CORO1C: variants seen among roughly 807,000 people sequenced by gnomAD.
The protein encoded by CORO1C is coronin 1C.
In CORO1C, 14 loss-of-function variants were observed where a neutral mutation model predicts 51.2. The observed-to-expected ratio is 0.27, with a 90% CI of 0.18 to 0.43. The LOEUF (loss-of-function observed/expected upper bound fraction) is 0.43, where lower values mean the gene tolerates loss of function less well. CORO1C is among the 20% of genes least tolerant of loss of function. CORO1C has a pLI of 1.00. For synonymous variants in CORO1C, 181 were observed against 210.5 expected (o/e 0.86, Z 1.21); for missense variants, 417 against 607.8 (o/e 0.69, Z 3.30).
chr12:108,730,990 C>G lies in CORO1C; in HGVS notation c.-6+439G>C, dbSNP rs572470318. ...GGCGGCCCAAACCCAGTCCCCAGGCCTGGAGCCCCCGGGCTCTACGCCTCG... is the reference window on the plus strand; with the variant it reads ...GGCGGCCCAAACCCAGTCCCCAGGCGTGGAGCCCCCGGGCTCTACGCCTCG... On this transcript the variant is annotated intron_variant, in intron 1 of 10. Transcript: ENST00000261401. 488 of 153,110 alleles carry G rather than the reference C, an allele frequency of 3.2e-3. 2 individuals are homozygous for G. Among genetic ancestry groups the G allele is most frequent in the Non-Finnish European group, 5.6e-3 (386 of 68,636 alleles). 9.5% of individuals were successfully genotyped at this position (153,110 alleles called of 1,614,324 possible).
At chr12:108,727,402 A>C (rs1457370322) in intron 1 of CORO1C, among the ~76,000 whole-genome samples, 6 of 152,194 alleles carry the variant, frequency 3.9e-5, no homozygotes, top group African/African-American at 1.4e-4. Flanking sequence ...CAAGATTTGA[A>C]AGCTGGGATG....
intron 1 of CORO1C, among the ~76,000 whole-genome samples, chr12:108,708,212 G>A (rs1035288994): frequency 4.6e-5 from 7 of 152,152 alleles, no homozygotes; most frequent in African/African-American, 1.4e-4. Context: ...AAGAGCCAAA[G>A]GGTAGAAGCA....
At chr12:108,726,059 C>T (rs1217892771) in intron 1 of CORO1C, among the ~76,000 whole-genome samples, 2 of 152,114 alleles carry the variant, frequency 1.3e-5, no homozygotes, top group African/African-American at 4.8e-5. Context: ...GGTCTCAAAC[C>T]CCTGACCTCG....
rs564581560 is a variant in CORO1C at position 108,679,065 on chromosome 12, C to T, written c.196-671G>A. 4.8e-5 allele frequency among the ~76,000 whole-genome samples: 6 copies of T among 125,956 alleles called. No individual in the cohort carries two copies. In the East Asian group the frequency reaches 1.2e-3, roughly 25 times the overall value. The allele number at this position is 125,956 out of a possible 152,430, so 82.6% of individuals were successfully genotyped here. ...GGCAGAGGTTGCAGTGAGCCGAGATCGTGCCACTACACTCCAGCCTGGCGA... is the reference window on the plus strand; with the variant it reads ...GGCAGAGGTTGCAGTGAGCCGAGATTGTGCCACTACACTCCAGCCTGGCGA... On this transcript the variant is annotated intron_variant, in intron 2 of 10. Coordinates refer to ENST00000261401, the MANE Select transcript of CORO1C (RefSeq NM_014325.4).
At chr12:108,652,958 G>C (rs939743537) in intron 7 of CORO1C, 7 of 142,644 alleles carry the variant, frequency 4.9e-5, no homozygotes, top group African/African-American at 1.8e-4. Flanking sequence ...CTACTTTCTT[G>C]CTTAGAATAG....
chr12:108,724,255 G>C (rs576496565), intron 1 of CORO1C, among the ~76,000 whole-genome samples: 1 of 152,324 alleles, frequency 6.6e-6, no homozygotes, highest in South Asian at 2.1e-4. Flanking sequence ...AGAGCATGAC[G>C]AAAGGCTAAG....
intron 3 of CORO1C, among the ~76,000 whole-genome samples, chr12:108,663,674 G>A (rs1389291227): frequency 1.3e-5 from 2 of 152,170 alleles, no homozygotes; most frequent in East Asian, 3.8e-4. Flanking sequence ...GCTTAGTGTT[G>A]GGGAGAGTGG....
At chr12:108,716,127 CAAAAAAAAAAAAA>C (rs61278729) in intron 1 of CORO1C, among the ~76,000 whole-genome samples, 14 of 41,092 alleles carry the variant, frequency 3.4e-4, no homozygotes, top group Middle Eastern at 0.029. Flanking sequence ...GACTCTGTCG[CAAAAAAAAAAAAA>C]AAAAAAAAAA....
At chr12:108,724,657 A>G (rs927118370) in intron 1 of CORO1C, among the ~76,000 whole-genome samples, 7 of 152,204 alleles carry the variant, frequency 4.6e-5, no homozygotes, top group African/African-American at 1.4e-4. Flanking sequence ...TATCCTTTAA[A>G]AGATGGTGAG....
intron 8 of CORO1C, among the ~76,000 whole-genome samples, chr12:108,649,928 C>T (rs1249743745): frequency 6.6e-6 from 1 of 152,176 alleles, no homozygotes; most frequent in Non-Finnish European, 1.5e-5. Flanking sequence ...AGAGAAGACA[C>T]AGCCACATCA....
intron 6 of CORO1C, 94 bp from the exon 7 acceptor site, chr12:108,654,504 A>T (rs191354515): frequency 4.2e-5 from 27 of 646,492 alleles, no homozygotes; most frequent in Non-Finnish European, 6.0e-5. Context: ...TTCTATCCCA[A>T]TTAAGCGAGC....
chr12:108,723,149 T>G (rs904339049), intron 1 of CORO1C, among the ~76,000 whole-genome samples: 4 of 152,222 alleles, frequency 2.6e-5, no homozygotes, highest in Non-Finnish European at 5.9e-5. Context: ...AACCACAAAA[T>G]TAATTCACCA....
intron 2 of CORO1C, among the ~76,000 whole-genome samples, chr12:108,699,723 G>A (rs188814480): frequency 2.2e-4 from 33 of 152,250 alleles, no homozygotes; most frequent in African/African-American, 7.5e-4. Flanking sequence ...ACAGTGTAGT[G>A]TACTTATCTG....
At chr12:108,667,942 G>C (rs1294720370) in intron 3 of CORO1C, among the ~76,000 whole-genome samples, 1 of 152,150 alleles carries the variant, frequency 6.6e-6, no homozygotes, top group Non-Finnish European at 1.5e-5. Flanking sequence ...TAATTTTAAA[G>C]TACAATTAGT....
intron 7 of CORO1C, among the ~76,000 whole-genome samples, chr12:108,653,739 T>C (rs1046409562): frequency 1.3e-5 from 2 of 152,142 alleles, no homozygotes; most frequent in Non-Finnish European, 2.9e-5. Context: ...TCAGGCCTCA[T>C]ATCTTCAAGC....
intron 3 of CORO1C, among the ~76,000 whole-genome samples, chr12:108,675,354 G>A (rs796820764): frequency 6.6e-6 from 1 of 152,114 alleles, no homozygotes; most frequent in South Asian, 2.1e-4. Context: ...AGACTATGAT[G>A]GTCATTTCAA....
rs2032366558 is a variant in CORO1C, at chr12:108,646,517, A to T, written c.*886T>A. 1 of 152,240 alleles carries T rather than the reference A, an allele frequency of 6.6e-6. No individual in the cohort carries two copies. Among genetic ancestry groups the T allele is most frequent in the African/African-American group, 2.4e-5 (1 of 41,448 alleles). 9.4% of individuals were successfully genotyped at this position (152,240 alleles called of 1,614,324 possible). ...AACCTGAAACATGATGTTTAAAGTG[A>T]TGAATGCAATATGATCCTAGGTGTG... On this transcript the variant is annotated 3_prime_UTR_variant, in exon 11 of 11. Coordinates refer to ENST00000261401, the MANE Select transcript of CORO1C (RefSeq NM_014325.4).
rs2035711579 is a variant in CORO1C, at chr12:108,731,002, G to A, written c.-6+427C>T. On this transcript the variant is annotated intron_variant, in intron 1 of 10. Transcript: ENST00000261401. The surrounding 1 kb of genome is among the most constrained non-coding windows in gnomAD (Gnocchi z 5.2). ...CCAGTCCCCAGGCCTGGAGCCCCCG[G>A]GCTCTACGCCTCGCCCGAAGCAGCC... The A allele has an allele frequency of 6.5e-6, 1 of 152,750 alleles. No homozygotes were observed. The allele number at this position is 152,750 out of a possible 1,614,324, so 9.5% of individuals were successfully genotyped here. A position where few individuals can be genotyped will look rare whatever the true frequency, so the allele number is the denominator to read the frequency against.
rs150380191 is a variant in CORO1C at position 108,697,892 on chromosome 12, C to A, written c.195+3232G>T. Among the ~76,000 whole-genome samples, 145 of 152,314 alleles carry A rather than the reference C, an allele frequency of 9.5e-4. 1 individual carries two copies. The highest frequency in any genetic ancestry group is 1.9e-3 in the Non-Finnish European group (129 of 68,024). On this transcript the variant is annotated intron_variant, in intron 2 of 10. Coordinates refer to ENST00000261401, the MANE Select transcript of CORO1C (RefSeq NM_014325.4). ...CAAATATCAACTGTAAAATGTATAA[C>A]CATTATTCAAATATTCATGACTATA...
Sources: allele counts gnomAD v4.1 joint callset (sites outside exome capture counted in the v4.1 genomes callset), GRCh38; gene constraint gnomAD v4.1.1; non-coding constraint Gnocchi (gnomAD v3.1); transcripts MANE v1.5; gene names NCBI Gene and HGNC (gene_info 2026-07-23, HGNC 2026-07-21).